TMEM132B: variants seen among roughly 807,000 people sequenced by gnomAD.
TMEM132B encodes transmembrane protein 132B.
Under a neutral mutation model 90.8 loss-of-function variants are expected in TMEM132B, and 18 were observed. That is an observed-to-expected ratio of 0.20 (90% CI 0.14 to 0.29). The LOEUF (loss-of-function observed/expected upper bound fraction) is 0.29. TMEM132B is among the 10% of genes least tolerant of loss of function. The pLI is 1.00. For missense variants in TMEM132B, 1,096 were observed against 1,326.8 expected (o/e 0.83, Z 2.70); for synonymous variants, 504 against 523.3 (o/e 0.96, Z 0.50).
chr12:125,235,433 G>C (rs1312451240), intron 1 of TMEM132B, among the ~76,000 whole-genome samples: 1 of 150,866 alleles, frequency 6.6e-6, no homozygotes, highest in Non-Finnish European at 1.5e-5. Flanking sequence ...GGAGGCTCTT[G>C]CTGCTGGATT....
chr12:125,229,001 T>C (rs1251984349), intron 1 of TMEM132B, among the ~76,000 whole-genome samples: 1 of 152,122 alleles, frequency 6.6e-6, no homozygotes, highest in Admixed American at 6.5e-5. Context: ...CCTGACCAAC[T>C]AGAGCTGCAT....
At chr12:125,330,831 C>T (rs1876745232) in intron 1 of TMEM132B, among the ~76,000 whole-genome samples, 1 of 152,274 alleles carries the variant, frequency 6.6e-6, no homozygotes, top group South Asian at 2.1e-4. Flanking sequence ...TGCCTGAGGC[C>T]AGGAGTTTGG....
intron 3 of TMEM132B, among the ~76,000 whole-genome samples, chr12:125,416,592 G>A (rs747564098): frequency 1.3e-5 from 2 of 152,232 alleles, no homozygotes; most frequent in Admixed American, 6.5e-5. Flanking sequence ...AGAAATGGAG[G>A]GTCTTTTCCA....
chr12:125,643,419 A>G (rs987804465), intron 5 of TMEM132B, among the ~76,000 whole-genome samples: 2 of 152,226 alleles, frequency 1.3e-5, no homozygotes, highest in African/African-American at 4.8e-5. Context: ...GTGAAGTAAA[A>G]TGGGGACTTA....
At chr12:125,640,509 G>T (rs1593038845) in intron 5 of TMEM132B, among the ~76,000 whole-genome samples, 1 of 152,212 alleles carries the variant, frequency 6.6e-6, no homozygotes, top group Non-Finnish European at 1.5e-5. Flanking sequence ...GCCGGGTAGG[G>T]AGGGCGTGCA....
intron 3 of TMEM132B, among the ~76,000 whole-genome samples, chr12:125,515,230 TCACA>T: frequency 6.7e-6 from 1 of 149,390 alleles, no homozygotes; most frequent in Middle Eastern, 3.4e-3. Context: ...ACACATTCTC[TCACA>T]CACATGCATT....
At chr12:125,589,669 A>G (rs990502211) in intron 5 of TMEM132B, among the ~76,000 whole-genome samples, 1 of 152,090 alleles carries the variant, frequency 6.6e-6, no homozygotes, top group Non-Finnish European at 1.5e-5. Context: ...CACATCTTAC[A>G]TGGCAGGAGC....
At chr12:125,528,200 G>A (rs1202123276) in intron 4 of TMEM132B, among the ~76,000 whole-genome samples, 1 of 151,638 alleles carries the variant, frequency 6.6e-6, no homozygotes, top group Non-Finnish European at 1.5e-5. Context: ...CCCTTCTTTA[G>A]GTTTTCTGCC....
chr12:125,632,186 T>C (rs10846933), intron 5 of TMEM132B, among the ~76,000 whole-genome samples: 65,041 of 151,768 alleles, frequency 0.43, 14,236 homozygotes, highest in Admixed American at 0.52. Flanking sequence ...GTGCGGCTTG[T>C]GAATACTATC....
intron 4 of TMEM132B, among the ~76,000 whole-genome samples, chr12:125,526,985 T>C (rs1883482531): frequency 7.1e-6 from 1 of 139,970 alleles, no homozygotes; most frequent in Non-Finnish European, 1.5e-5. Context: ...CAACCACCCA[T>C]CCACCCTTCT....
chr12:125,196,822 T>C (rs1052168682), intron 1 of TMEM132B, among the ~76,000 whole-genome samples: 2 of 152,180 alleles, frequency 1.3e-5, no homozygotes, highest in Non-Finnish European at 2.9e-5. Context: ...CAATGATGAA[T>C]ATTGTTAGTA....
chr12:125,188,791 C>T (rs1565970729), intron 1 of TMEM132B, among the ~76,000 whole-genome samples: 1 of 135,328 alleles, frequency 7.4e-6, no homozygotes, highest in Non-Finnish European at 1.5e-5. Flanking sequence ...TGGTCCCTAC[C>T]AGGGACATAA....
chr12:125,575,818 A>G (rs1293018102), intron 4 of TMEM132B, among the ~76,000 whole-genome samples: 4 of 152,066 alleles, frequency 2.6e-5, no homozygotes, highest in Non-Finnish European at 4.4e-5. Flanking sequence ...TGAAAAAACT[A>G]TTCTTTCACC....
chr12:125,437,696 C>T (rs1424627784), intron 3 of TMEM132B, among the ~76,000 whole-genome samples: 4 of 152,126 alleles, frequency 2.6e-5, no homozygotes, highest in Admixed American at 6.5e-5. Context: ...GAAAACATGA[C>T]GCTGAGTGAA....
chr12:125,516,420 T>G (rs1883164725), intron 3 of TMEM132B, among the ~76,000 whole-genome samples: 1 of 152,222 alleles, frequency 6.6e-6, no homozygotes, highest in Admixed American at 6.5e-5. Context: ...GCCCATTGCC[T>G]AAAAGTATAA....
intron 1 of TMEM132B, among the ~76,000 whole-genome samples, chr12:125,259,946 C>T (rs1430356824): frequency 6.6e-6 from 1 of 151,944 alleles, no homozygotes; most frequent in Admixed American, 6.6e-5. Flanking sequence ...AGAGGGGTCT[C>T]TTCACTCATT....
chr12:125,517,537 A>C (rs1278870543), intron 3 of TMEM132B, among the ~76,000 whole-genome samples: 2 of 151,912 alleles, frequency 1.3e-5, no homozygotes, highest in South Asian at 4.2e-4. Flanking sequence ...TGGATATTTG[A>C]AGATTTATAG....
At position 125,584,350 on chromosome 12, in the gene TMEM132B, C is replaced by G. The variant is rs2074052788; in HGVS notation, c.1437+356C>G. On this transcript the variant is annotated intron_variant, in intron 5 of 8. Coordinates refer to ENST00000682704, the MANE Select transcript of TMEM132B (RefSeq NM_001366854.1). ...CCAAATAAGACCTTCTCATTTTTTG[C>G]AAACTCACTGTGCCTAATAATATTA... 10 of 235,034 alleles carry G rather than the reference C, an allele frequency of 4.3e-5. No homozygotes were observed. The South Asian group carries it at 6.5e-4, about 15-fold the overall frequency. The allele number at this position is 235,034 out of a possible 1,614,324, so 14.6% of individuals were successfully genotyped here.
At chr12:125,259,238 C>A (rs1347133269) in intron 1 of TMEM132B, among the ~76,000 whole-genome samples, 1 of 152,184 alleles carries the variant, frequency 6.6e-6, no homozygotes, top group African/African-American at 2.4e-5. Context: ...AGATTAAAAT[C>A]CTATGAGAAC....
Sources: allele counts gnomAD v4.1 joint callset (sites outside exome capture counted in the v4.1 genomes callset), GRCh38; gene constraint gnomAD v4.1.1; transcripts MANE v1.5; gene names NCBI Gene and HGNC (gene_info 2026-07-23, HGNC 2026-07-21).